SAMD12: variants seen among roughly 807,000 people sequenced by gnomAD.
The protein encoded by SAMD12 is sterile alpha motif domain containing 12, also known as sterile alpha motif domain-containing protein 12.
In SAMD12, 9 loss-of-function variants were observed where a neutral mutation model predicts 15.0. The ratio of observed to expected loss-of-function variants is 0.60; its 90% CI spans 0.36 to 1.05. SAMD12 has a LOEUF of 1.05. SAMD12 is among the 50% of genes least tolerant of loss of function. SAMD12 has a pLI of 0.01. For synonymous variants in SAMD12, 86 were observed against 90.1 expected (o/e 0.96, Z 0.25); for missense variants, 230 against 234.2 (o/e 0.98, Z 0.12).
chr8:118,164,690 CAATTTTTTTT>C, the SAMD12 span, among the ~76,000 whole-genome samples: 1 of 142,932 alleles, frequency 7.0e-6, no homozygotes, highest in Admixed American at 7.0e-5. Flanking sequence ...CAGCTATAGG[CAATTTTTTTT>C]TTTAAACTTC....
chr8:118,168,181 A>G, the SAMD12 span, among the ~76,000 whole-genome samples: 3 of 152,192 alleles, frequency 2.0e-5, no homozygotes, highest in Non-Finnish European at 4.4e-5. Context: ...TCCCAGTCTC[A>G]GATATGTCTT....
the SAMD12 span, among the ~76,000 whole-genome samples, chr8:118,169,859 T>C: frequency 6.6e-6 from 1 of 152,154 alleles, no homozygotes; most frequent in South Asian, 2.1e-4. Flanking sequence ...AGGAAAGCTG[T>C]TTTTTACCCC....
downstream of SAMD12, among the ~76,000 whole-genome samples, chr8:118,188,846 T>C (rs1819288904): frequency 6.6e-6 from 1 of 152,174 alleles, no homozygotes; most frequent in Admixed American, 6.5e-5. Flanking sequence ...TTGCGGATGT[T>C]TGCCGCACTA....
chr8:118,543,965 C>T (rs1255439201), intron 2 of SAMD12, among the ~76,000 whole-genome samples: 3 of 152,060 alleles, frequency 2.0e-5, no homozygotes, highest in Non-Finnish European at 4.4e-5. Flanking sequence ...CACCATTCTC[C>T]TGCTAAAAAA....
chr8:118,494,001 C>T (rs1194512968), intron 2 of SAMD12, among the ~76,000 whole-genome samples: 2 of 152,144 alleles, frequency 1.3e-5, no homozygotes, highest in African/African-American at 2.4e-5. Context: ...TTTCTCTTCT[C>T]GAAAGCTGGT....
intron 2 of SAMD12, among the ~76,000 whole-genome samples, chr8:118,487,843 C>A (rs906811263): frequency 2.7e-5 from 4 of 148,228 alleles, no homozygotes; most frequent in African/African-American, 9.7e-5. Flanking sequence ...CATGGCTGGA[C>A]AAATGATGGC....
At chr8:118,413,971 T>G (rs1013752998) in intron 3 of SAMD12, among the ~76,000 whole-genome samples, 1 of 152,174 alleles carries the variant, frequency 6.6e-6, no homozygotes, top group African/African-American at 2.4e-5. Context: ...ATATTTTCAG[T>G]GAATCACAGT....
the SAMD12 span, among the ~76,000 whole-genome samples, chr8:118,178,540 ACTGCAAC>A: frequency 6.6e-6 from 1 of 152,094 alleles, no homozygotes; most frequent in African/African-American, 2.4e-5. Flanking sequence ...ATCTTGGCTC[ACTGCAAC>A]CTCCACCCCC....
intron 4 of SAMD12, among the ~76,000 whole-genome samples, chr8:118,265,106 G>A (rs1198845991): frequency 6.6e-6 from 1 of 152,088 alleles, no homozygotes; most frequent in Non-Finnish European, 1.5e-5. Flanking sequence ...CTCTCCTTAG[G>A]ACTTGTACAT....
intron 2 of SAMD12, among the ~76,000 whole-genome samples, chr8:118,487,143 C>A (rs970009688): frequency 1.3e-5 from 2 of 152,130 alleles, no homozygotes; most frequent in African/African-American, 4.8e-5. Context: ...CATAAAGGAC[C>A]TAGGGCGGGG....
At chr8:118,250,675 TA>T (rs1466008682) in intron 4 of SAMD12, among the ~76,000 whole-genome samples, 1 of 151,844 alleles carries the variant, frequency 6.6e-6, no homozygotes, top group Non-Finnish European at 1.5e-5. Context: ...TTTATTTATT[TA>T]TTTTTTTTTA....
chr8:118,520,512 G>T (rs1001417779), intron 2 of SAMD12, among the ~76,000 whole-genome samples: 2 of 152,112 alleles, frequency 1.3e-5, no homozygotes, highest in African/African-American at 4.8e-5. Context: ...AATGCTCAGT[G>T]GAATATAGAT....
intron 2 of SAMD12, among the ~76,000 whole-genome samples, chr8:118,514,010 A>G (rs1462182268): frequency 6.6e-6 from 1 of 152,224 alleles, no homozygotes; most frequent in Non-Finnish European, 1.5e-5. Flanking sequence ...TTTTAAGCGA[A>G]ATTTTTATTA....
At chr8:118,419,964 T>C (rs1432689922) in intron 3 of SAMD12, among the ~76,000 whole-genome samples, 1 of 152,210 alleles carries the variant, frequency 6.6e-6, no homozygotes, top group Non-Finnish European at 1.5e-5. Flanking sequence ...AGAAAAGCTG[T>C]GCAAGCTTCT....
the SAMD12 span, among the ~76,000 whole-genome samples, chr8:118,134,192 C>T: frequency 6.6e-6 from 1 of 152,200 alleles, no homozygotes; most frequent in Admixed American, 6.5e-5. Context: ...ATGGCAGCTT[C>T]CGGGTCTCAT....
chr8:118,286,562 T>C (rs200956238), intron 4 of SAMD12, among the ~76,000 whole-genome samples: 2 of 152,006 alleles, frequency 1.3e-5, no homozygotes, highest in Non-Finnish European at 2.9e-5. Context: ...AACATTTTCT[T>C]CGTTACCCCT....
At chr8:118,268,930 A>G (rs1203092144) in intron 4 of SAMD12, among the ~76,000 whole-genome samples, 1 of 152,152 alleles carries the variant, frequency 6.6e-6, no homozygotes, top group South Asian at 2.1e-4. Flanking sequence ...CAGAGACTCT[A>G]TTCTACCTTC....
intron 4 of SAMD12, among the ~76,000 whole-genome samples, chr8:118,237,087 G>A (rs1396418179): frequency 6.6e-6 from 1 of 152,172 alleles, no homozygotes; most frequent in Non-Finnish European, 1.5e-5. Flanking sequence ...CAGGATTGGT[G>A]TGAGGGTCTG....
chr8:118,557,162 G>A (rs1002871991), intron 2 of SAMD12, among the ~76,000 whole-genome samples: 2 of 152,102 alleles, frequency 1.3e-5, no homozygotes, highest in African/African-American at 4.8e-5. Flanking sequence ...GGAGGTGATT[G>A]GATCACTGGG....
Sources: gnomAD v4.1 joint callset for allele counts (sites outside exome capture counted in the v4.1 genomes callset) on GRCh38, gnomAD v4.1.1 for gene constraint, MANE v1.5 for transcripts, NCBI Gene and HGNC (gene_info 2026-07-23, HGNC 2026-07-21) for gene names.